ELOC: variants seen among roughly 807,000 people sequenced by gnomAD.
The protein encoded by ELOC is elongin-C.
For missense variants in ELOC, 38 were observed against 139.0 expected, an observed-to-expected ratio of 0.27 and a Z score of 3.65; for synonymous variants, 40 against 51.3, an observed-to-expected ratio of 0.78 and a Z score of 0.94.
intron 2 of ELOC, among the ~76,000 whole-genome samples, chr8:73,957,130 G>T (rs766348238): frequency 1.3e-5 from 2 of 150,576 alleles, no homozygotes; most frequent in East Asian, 3.9e-4. Flanking sequence ...CCGAGACTGC[G>T]CCACTGCACT....
chr8:73,954,002 T>C (rs1813961806), intron 3 of ELOC, among the ~76,000 whole-genome samples: 1 of 152,200 alleles, frequency 6.6e-6, no homozygotes, highest in African/African-American at 2.4e-5. Flanking sequence ...TGAAATATTA[T>C]TCAGCCATAA....
In ELOC at chr8:73,961,134, C is replaced by T. The variant is rs566984473; in HGVS notation, c.-50-1316G>A. ...ATTTGACAAAATAACAAGATGATTG[C>T]TAAAGGAAATGGTTTCACTTTCTCA... On this transcript the variant is annotated intron_variant, in intron 1 of 3. Transcript: ENST00000520242. Among the ~76,000 whole-genome samples, 36 of 152,254 alleles carry T rather than the reference C, an allele frequency of 2.4e-4. No homozygotes were observed. In the Middle Eastern group the frequency reaches 0.01, roughly 43 times the overall value.
At position 73,959,795 on chromosome 8, in the gene ELOC, T is replaced by C; in HGVS notation, c.-27A>G. 2 of 1,551,138 alleles carry C rather than the reference T, an allele frequency of 1.3e-6. No individual in the cohort carries two copies. The highest frequency in any genetic ancestry group is 8.7e-7 in the Non-Finnish European group (1 of 1,149,500). On this transcript the variant is annotated 5_prime_UTR_variant, in exon 2 of 4. Coordinates refer to ENST00000520242, the MANE Select transcript of ELOC (RefSeq NM_005648.4). ...TTGTTCTTATGAAATTCTACTTTGC[T>C]TCCCCAGGAACTTTAGTAGTTTCCT...
intron 2 of ELOC, among the ~76,000 whole-genome samples, chr8:73,958,897 T>C (rs1383968296): frequency 1.3e-5 from 2 of 152,188 alleles, no homozygotes; most frequent in Non-Finnish European, 2.9e-5. Flanking sequence ...AAGAGTGTAC[T>C]TACTAAATCT....
In ELOC at chr8:73,959,908, T is replaced by G. The variant is rs942945748; in HGVS notation, c.-50-90A>C. 18 of 574,874 alleles carry G rather than the reference T, an allele frequency of 3.1e-5. No homozygotes were observed. In the East Asian group the frequency reaches 6.1e-4, roughly 19 times the overall value. 35.6% of individuals were successfully genotyped at this position (574,874 alleles called of 1,614,324 possible). A position where few individuals can be genotyped will look rare whatever the true frequency, so the allele number is the denominator to read the frequency against. On this transcript the variant is annotated intron_variant, in intron 1 of 3. Transcript: ENST00000520242. ...TTTAATGTCCTTGGTGTTAAAAGTT[T>G]AAGAACTCTCCCTCCTGGTTACATT...
Position 73,946,896 on chromosome 8 carries a change from T to C in ELOC, c.149-76A>G, listed in dbSNP as rs1022123888. On this transcript the variant is annotated intron_variant, in intron 3 of 3. Transcript: ENST00000520242. ...ATTCATATGTTGAAGTCTTAACCCC[T>C]TGTACCACAGAATGTGGCTGTATTT... is the stretch of plus-strand genomic sequence containing the variant. The C allele has an allele frequency of 7.7e-5, 94 of 1,228,444 alleles. No homozygotes were observed. In the African/African-American group the frequency reaches 1.3e-3, roughly 17 times the overall value. The allele number at this position is 1,228,444 out of a possible 1,614,324, so 76.1% of individuals were successfully genotyped here.
At chr8:73,968,517 A>G (rs1255073503) in intron 1 of ELOC, among the ~76,000 whole-genome samples, 2 of 152,252 alleles carry the variant, frequency 1.3e-5, no homozygotes, top group African/African-American at 2.4e-5. Flanking sequence ...TGTATTAATC[A>G]TAGATTCTAC....
intron 1 of ELOC, among the ~76,000 whole-genome samples, chr8:73,971,087 T>C (rs997556360): frequency 7.7e-6 from 1 of 129,572 alleles, no homozygotes; most frequent in Non-Finnish European, 1.7e-5. Flanking sequence ...AGTTAAAAAG[T>C]GAGAAAGTGA....
intron 1 of ELOC, among the ~76,000 whole-genome samples, chr8:73,966,106 C>A (rs1020379615): frequency 7.2e-5 from 11 of 152,130 alleles, no homozygotes; most frequent in African/African-American, 2.7e-4. Flanking sequence ...CAGATTCATT[C>A]ATTCAATAAA....
At chr8:73,947,254 T>A (rs951626738) in intron 3 of ELOC, among the ~76,000 whole-genome samples, 3 of 152,028 alleles carry the variant, frequency 2.0e-5, no homozygotes, top group African/African-American at 7.2e-5. Context: ...CCCAAAGTGC[T>A]GGGATTACAG....
chr8:73,959,988 G>A (rs886838906), intron 1 of ELOC, among the ~76,000 whole-genome samples, 170 bp from the exon 2 acceptor site: 19 of 152,274 alleles, frequency 1.2e-4, no homozygotes, highest in African/African-American at 4.6e-4. Context: ...ATCAATTGAA[G>A]AATACCAAAA....
At chr8:73,948,199 A>G (rs1249005486) in intron 3 of ELOC, among the ~76,000 whole-genome samples, 2 of 151,980 alleles carry the variant, frequency 1.3e-5, no homozygotes, top group African/African-American at 4.8e-5. Context: ...TCTCAAAAAA[A>G]AAAAAAAGAT....
chr8:73,952,512 G>A (rs1023086398), intron 3 of ELOC, among the ~76,000 whole-genome samples: 3 of 150,866 alleles, frequency 2.0e-5, no homozygotes, highest in Non-Finnish European at 4.4e-5. Flanking sequence ...CAGGTGCGGT[G>A]GCTCATGCCT....
chr8:73,963,638 C>CT (rs1222279851), intron 1 of ELOC, among the ~76,000 whole-genome samples: 1 of 152,110 alleles, frequency 6.6e-6, no homozygotes, highest in East Asian at 1.9e-4. Flanking sequence ...ATCTTTTTGT[C>CT]TTTTTACATT....
At chr8:73,948,472 A>T (rs1015607605) in intron 3 of ELOC, among the ~76,000 whole-genome samples, 4 of 152,170 alleles carry the variant, frequency 2.6e-5, no homozygotes, top group African/African-American at 9.7e-5. Context: ...AGAATTAGTG[A>T]ATATATAAAA....
At chr8:73,965,405 T>TG (rs1814907530) in intron 1 of ELOC, among the ~76,000 whole-genome samples, 1 of 152,110 alleles carries the variant, frequency 6.6e-6, no homozygotes, top group Admixed American at 6.5e-5. Context: ...AATAGGAGAA[T>TG]GGATAAATAA....
intron 3 of ELOC, among the ~76,000 whole-genome samples, chr8:73,950,511 TAAATGCAAAA>T (rs1277085171): frequency 1.3e-5 from 2 of 152,194 alleles, no homozygotes; most frequent in Non-Finnish European, 2.9e-5. Context: ...TTTTAGCTAA[TAAATGCAAAA>T]AATTTTACAG....
In ELOC at chr8:73,960,136, A is replaced by T. The variant is rs567226970; in HGVS notation, c.-50-318T>A. On this transcript the variant is annotated intron_variant, in intron 1 of 3. Transcript: ENST00000520242. Reference sequence around the variant, plus strand: ...TGTAAAATGTGACATGTTAAAAGTAACAGACGTGTAAAAATGTTCATTCCA... The same window carrying T: ...TGTAAAATGTGACATGTTAAAAGTATCAGACGTGTAAAAATGTTCATTCCA... 2.6e-5 allele frequency among the ~76,000 whole-genome samples: 4 copies of T among 152,350 alleles called. No individual in the cohort carries two copies. The East Asian group carries it at 5.8e-4, about 22-fold the overall frequency.
rs1348884733 is a variant in ELOC, at chr8:73,972,084, T to TC, written c.-59dup. ...CCCCAGCCCGAGACTCACTCGTCAG[T>TC]CCCGCAGCCACCGCAGCCGGGTCCC... On this transcript the variant is annotated 5_prime_UTR_variant, in exon 1 of 4. Coordinates refer to ENST00000520242, the MANE Select transcript of ELOC (RefSeq NM_005648.4). The TC allele has an allele frequency of 2.0e-5, 3 of 152,512 alleles. No homozygotes were observed. The highest frequency in any genetic ancestry group is 4.4e-5 in the Non-Finnish European group (3 of 68,380). 9.4% of individuals were successfully genotyped at this position (152,512 alleles called of 1,614,324 possible).
Sources: allele counts gnomAD v4.1 joint callset (sites outside exome capture counted in the v4.1 genomes callset), GRCh38; gene constraint gnomAD v4.1.1; transcripts MANE v1.5; gene names NCBI Gene and HGNC (gene_info 2026-07-23, HGNC 2026-07-21).